KATNIP: variants seen among roughly 807,000 people sequenced by gnomAD.
KATNIP encodes katanin-interacting protein.
KATNIP carries 126 observed loss-of-function variants against 174.0 expected under a neutral mutation model. The observed-to-expected ratio is 0.72, with a 90% CI of 0.63 to 0.84. KATNIP has a LOEUF of 0.84. KATNIP is among the 40% of genes least tolerant of loss of function. The pLI, the probability that KATNIP is intolerant of heterozygous loss-of-function variation, is 0.00. For synonymous variants in KATNIP, 810 were observed against 835.7 expected (o/e 0.97, Z 0.53); for missense variants, 1,958 against 2,109.7 (o/e 0.93, Z 1.41).
intron 1 of KATNIP, among the ~76,000 whole-genome samples, chr16:27,563,002 G>T (rs1041582837): frequency 6.6e-6 from 1 of 152,078 alleles, no homozygotes; most frequent in African/African-American, 2.4e-5. Flanking sequence ...CAGAAATTCG[G>T]TCATTTACTC....
chr16:27,659,975 GTTTA>G, intron 6 of KATNIP: 2 of 984,302 alleles, frequency 2.0e-6, no homozygotes, highest in Non-Finnish European at 2.4e-6. Flanking sequence ...CAACACTGTG[GTTTA>G]TTTGATAGTT....
chr16:27,604,258 C>T (rs1305961912), intron 2 of KATNIP, among the ~76,000 whole-genome samples: 6 of 152,048 alleles, frequency 3.9e-5, no homozygotes, highest in African/African-American at 1.2e-4. Context: ...GCCATCATGC[C>T]TAGCTACTTT....
intron 13 of KATNIP, among the ~76,000 whole-genome samples, chr16:27,717,903 C>T (rs572167464): frequency 6.6e-6 from 1 of 152,330 alleles, no homozygotes; most frequent in Admixed American, 6.5e-5. Flanking sequence ...GCCTGTTCCA[C>T]CCTGGCTCCC....
At chr16:27,583,922 G>A (rs771208817) in intron 2 of KATNIP, among the ~76,000 whole-genome samples, 3 of 152,168 alleles carry the variant, frequency 2.0e-5, no homozygotes, top group Non-Finnish European at 2.9e-5. Flanking sequence ...GCTACCAGCA[G>A]CCTTAGGCTT....
chr16:27,718,082 G>C (rs984105241), intron 13 of KATNIP, among the ~76,000 whole-genome samples: 4 of 152,228 alleles, frequency 2.6e-5, no homozygotes, highest in Admixed American at 2.6e-4. Flanking sequence ...CTCAGGGTCT[G>C]CTTCTAGGGG....
intron 1 of KATNIP, among the ~76,000 whole-genome samples, chr16:27,558,818 A>G (rs1444901482): frequency 6.6e-6 from 1 of 150,576 alleles, no homozygotes; most frequent in Non-Finnish European, 1.5e-5. Context: ...AGACAGCTCA[A>G]TGGGATACTG....
At chr16:27,592,635 C>CAA (rs1488807439) in intron 2 of KATNIP, among the ~76,000 whole-genome samples, 1 of 152,182 alleles carries the variant, frequency 6.6e-6, no homozygotes, top group African/African-American at 2.4e-5. Flanking sequence ...CACACACACA[C>CAA]AACCAGATGT....
intron 4 of KATNIP, among the ~76,000 whole-genome samples, chr16:27,629,443 T>C (rs1253611713): frequency 3.3e-5 from 5 of 152,232 alleles, no homozygotes; most frequent in African/African-American, 1.2e-4. Flanking sequence ...TTTCACTTAG[T>C]ATGTTTTAAC....
At chr16:27,598,845 G>T (rs2075421793) in intron 2 of KATNIP, among the ~76,000 whole-genome samples, 1 of 152,166 alleles carries the variant, frequency 6.6e-6, no homozygotes, top group Non-Finnish European at 1.5e-5. Context: ...GCAGAAGGAG[G>T]AGTTGTGCAG....
Position 27,761,415 on chromosome 16 carries a change from C to T in KATNIP, c.3634C>T (p.Leu1212Phe). The change falls in exon 19 of 28, where the codon CTT (leucine) becomes TTT (phenylalanine). Residue 1212 changes from leucine (L) to phenylalanine (F), a missense_variant and splice_region_variant. Coordinates refer to ENST00000261588, the MANE Select transcript of KATNIP (RefSeq NM_015202.5). ...GGCCACTTCTCTTCCTGTTGCAGGC[C>T]TTCAGCTGAATTTCACTGCCTCCTG... ...PEPGIYHGIC[L>F]QLNFTASWGD... The T allele has an allele frequency of 6.2e-7, 1 of 1,606,802 alleles. No homozygotes were observed. The highest frequency in any genetic ancestry group is 1.1e-5 in the South Asian group (1 of 90,710).
Position 27,775,022 on chromosome 16 carries a change from G to A in KATNIP, c.4387G>A (p.Asp1463Asn), listed in dbSNP as rs146850516. ...CGTCCGCACCCCAGACAAGCTCATC[G>A]ACCAAGTGAACGACACCAGTGATGG... is the stretch of plus-strand genomic sequence containing the variant. ...GDVRTPDKLIDQVNDTSDGRH... is the reference protein window; with the variant it reads ...GDVRTPDKLINQVNDTSDGRH... Residue 1463 changes from aspartate to asparagine, a missense_variant, in exon 24 of 28, where the codon GAC becomes AAC. Transcript: ENST00000261588. The A allele has an allele frequency of 1.2e-4, 193 of 1,613,636 alleles. No homozygotes were observed. In the Admixed American group the frequency reaches 1.8e-3, roughly 15 times the overall value.
At chr16:27,600,025 C>T (rs1464174990) in intron 2 of KATNIP, among the ~76,000 whole-genome samples, 1 of 152,198 alleles carries the variant, frequency 6.6e-6, no homozygotes, top group Non-Finnish European at 1.5e-5. Context: ...CCTTTTAAAG[C>T]CACTCATCGC....
intron 5 of KATNIP, among the ~76,000 whole-genome samples, chr16:27,646,179 G>T (rs1231713824): frequency 6.6e-6 from 1 of 152,166 alleles, no homozygotes; most frequent in Non-Finnish European, 1.5e-5. Context: ...TTTCAGTGGG[G>T]CTCGCTTCAG....
rs556687403 is a variant in KATNIP, at chr16:27,616,887, T to TA, written c.64-1500dup. Among the ~76,000 whole-genome samples, 72 of 31,428 alleles carry TA rather than the reference T, an allele frequency of 2.3e-3. 9 individuals are homozygous for TA. The highest frequency in any genetic ancestry group is 3.1e-3 in the Non-Finnish European group (59 of 19,214). 20.6% of individuals were successfully genotyped at this position (31,428 alleles called of 152,430 possible). On this transcript the variant is annotated intron_variant, in intron 2 of 27. Transcript: ENST00000261588. ...CAACATAGTGAGATGCCATCTCTAC[T>TA]AAAAAAAAAAAAAAAAAAAAAAAAA...
intron 2 of KATNIP, among the ~76,000 whole-genome samples, chr16:27,578,595 TG>T (rs1417400230): frequency 6.6e-6 from 1 of 152,164 alleles, no homozygotes; most frequent in Non-Finnish European, 1.5e-5. Context: ...TCTTTTTTTT[TG>T]AGACATAGTC....
chr16:27,739,450 C>T (rs1429766964), intron 14 of KATNIP, among the ~76,000 whole-genome samples: 2 of 152,170 alleles, frequency 1.3e-5, no homozygotes, highest in Non-Finnish European at 2.9e-5. Context: ...TCTTGCTTTC[C>T]CCATTTCCTC....
Position 27,753,853 on chromosome 16 carries a change from T to C in KATNIP, c.3553-320T>C, listed in dbSNP as rs531550080. On this transcript the variant is annotated intron_variant, in intron 17 of 27. Coordinates refer to ENST00000261588, the MANE Select transcript of KATNIP (RefSeq NM_015202.5). ...TTCCTCCTCCTTTCCTTCCTTCCTT[T>C]CTTTCTTCCTCTAGCTCACCACATA... Among the ~76,000 whole-genome samples the C allele has an allele frequency of 5.9e-5, 9 of 151,948 alleles. 1 individual carries two copies. The South Asian group carries it at 1.9e-3, about 32-fold the overall frequency.
chr16:27,761,619 A>T (rs2081958807), intron 19 of KATNIP, 29 bp downstream of exon 19: 1 of 1,585,182 alleles, frequency 6.3e-7, no homozygotes, highest in South Asian at 1.1e-5. Context: ...CTTTACTTTC[A>T]TGCCCACTGG....
chr16:27,638,028 C>A (rs2076686500), intron 5 of KATNIP, among the ~76,000 whole-genome samples: 1 of 152,178 alleles, frequency 6.6e-6, no homozygotes, highest in Non-Finnish European at 1.5e-5. Flanking sequence ...ATCCATCGTG[C>A]CTTCTCCACA....
Sources: allele counts gnomAD v4.1 joint callset (sites outside exome capture counted in the v4.1 genomes callset), GRCh38; gene constraint gnomAD v4.1.1; transcripts MANE v1.5; gene names NCBI Gene and HGNC (gene_info 2026-07-23, HGNC 2026-07-21).